SPTBN2: variants seen among roughly 807,000 people sequenced by gnomAD.
SPTBN2 encodes spectrin beta chain, non-erythrocytic 2.
SPTBN2 carries 107 observed loss-of-function variants against 284.2 expected under a neutral mutation model. The observed-to-expected ratio is 0.38, with a 90% CI of 0.32 to 0.44. The LOEUF is 0.44. SPTBN2 is among the 20% of genes least tolerant of loss of function. The probability of loss-of-function intolerance (pLI) is 1.00; values close to 1 mark genes in which losing one functional copy is unlikely to be tolerated. For synonymous variants in SPTBN2, 1,289 were observed against 1,354.8 expected (o/e 0.95, Z 1.07); for missense variants, 2,569 against 3,287.1 (o/e 0.78, Z 5.34).
rs1940525195 is a variant in SPTBN2, at chr11:66,691,270, T to C, written c.5565+14A>G. 1 of 1,516,550 alleles carries C rather than the reference T, an allele frequency of 6.6e-7. No homozygotes were observed. The highest frequency in any genetic ancestry group is 8.8e-7 in the Non-Finnish European group (1 of 1,131,094). 93.9% of individuals were successfully genotyped at this position (1,516,550 alleles called of 1,614,324 possible). On this transcript the variant is annotated intron_variant, in intron 27 of 37. Coordinates refer to ENST00000533211, the MANE Select transcript of SPTBN2 (RefSeq NM_006946.4). This position sits in a 1 kb window ranked among gnomAD's most constrained non-coding sequence, Gnocchi z 8.0. Reference sequence around the variant, plus strand: ...CCTCTAAGCCTCCCCCACCTCCTCATGCTTGGGTCAGACCTGGGGGCTGAG... The same window carrying C: ...CCTCTAAGCCTCCCCCACCTCCTCACGCTTGGGTCAGACCTGGGGGCTGAG...
At chr11:66,689,062 C>T in intron 30 of SPTBN2, 34 bp downstream of exon 30, 1 of 1,584,702 alleles carries the variant, frequency 6.3e-7, no homozygotes. Flanking sequence ...GCCCCCCACT[C>T]CCCACAGGGC....
At position 66,700,561 on chromosome 11, in the gene SPTBN2, C is replaced by T; in HGVS notation, c.3538G>A (p.Asp1180Asn). The change falls in exon 17 of 38, where the codon GAT becomes AAT. Residue 1180 changes from aspartate to asparagine, a missense_variant. Asp to Asn is a conservative substitution (Grantham distance 23). Around this residue, in one of 6 missense-constraint regions of SPTBN2, gnomAD observed 1,012 missense variants for 1,248.9 expected, o/e 0.81. Transcript: ENST00000533211. This position sits in a 1 kb window ranked among gnomAD's most constrained non-coding sequence, Gnocchi z 6.6. The part of the protein sequence containing the change: ...QAHGFQGFLR[D>N]ARQAEGVLSS... Reference sequence around the variant, plus strand: ...AGCACGCCCTCAGCCTGACGAGCATCCCGCAGGAATCCCTGGAAGCCGTGG... The same window carrying T: ...AGCACGCCCTCAGCCTGACGAGCATTCCGCAGGAATCCCTGGAAGCCGTGG... 1.2e-6 allele frequency: 2 copies of T among 1,606,786 alleles called. No individual in the cohort carries two copies. Among genetic ancestry groups the T allele is most frequent in the Non-Finnish European group, 1.7e-6 (2 of 1,180,006 alleles).
upstream of SPTBN2, among the ~76,000 whole-genome samples, chr11:66,732,692 G>A (rs568764447): frequency 3.3e-5 from 5 of 149,606 alleles, no homozygotes; most frequent in African/African-American, 7.4e-5. Context: ...GAGGCTGCGC[G>A]CGGTGGCTCA....
chr11:66,699,103 G>A lies in SPTBN2; in HGVS notation c.3777-21C>T, dbSNP rs375439672. 7 of 1,613,902 alleles carry A rather than the reference G, an allele frequency of 4.3e-6. No individual in the cohort carries two copies. In the African/African-American group the frequency reaches 9.3e-5, roughly 22 times the overall value. The stretch of plus-strand genomic sequence containing the variant: ...TGTGCCTGGAACGACACCCTCTTGT[G>A]AAACTCTGGAATTTGCTGTGAAAGG... On this transcript the variant is annotated intron_variant, in intron 18 of 37. Transcript: ENST00000533211.
Position 66,696,418 on chromosome 11 carries a change from G to A in SPTBN2, c.4137C>T (p.Leu1379=). The A allele has an allele frequency of 6.2e-7, 1 of 1,613,300 alleles. No homozygotes were observed. Among genetic ancestry groups the A allele is most frequent in the South Asian group, 1.1e-5 (1 of 91,088 alleles). Reference sequence around the variant, plus strand: ...ACAGCTCAGCTCGGTTGGCATCAAAGAGGCTGCGGGCCTTGGCTTGGGTGG... The same window carrying A: ...ACAGCTCAGCTCGGTTGGCATCAAAAAGGCTGCGGGCCTTGGCTTGGGTGG... ...ETTTQAKARS[L]FDANRAELFA... The change falls in exon 21 of 38, where the codon CTC becomes CTT. Residue 1379 remains leucine (L), a synonymous_variant. Coordinates refer to ENST00000533211, the MANE Select transcript of SPTBN2 (RefSeq NM_006946.4).
chr11:66,738,567 G>A (rs1942871677), intron 1 of SPTBN2, among the ~76,000 whole-genome samples: 2 of 152,182 alleles, frequency 1.3e-5, no homozygotes, highest in South Asian at 4.1e-4. Flanking sequence ...CCAGGCTGGA[G>A]TGCAGTGGTG....
intron 1 of SPTBN2, among the ~76,000 whole-genome samples, chr11:66,735,208 C>G (rs945557009): frequency 1.3e-5 from 2 of 152,030 alleles, no homozygotes; most frequent in Admixed American, 6.6e-5. Context: ...TGGCGCATGT[C>G]TGTAGTTCCA....
chr11:66,688,139 C>T (rs1940271110), intron 32 of SPTBN2, 30 bp downstream of exon 32: 1 of 1,613,530 alleles, frequency 6.2e-7, no homozygotes, highest in Non-Finnish European at 8.5e-7. Context: ...GCTCAGCCGC[C>T]TCCTCCTACC....
Position 66,693,900 on chromosome 11 carries a change from C to T in SPTBN2, c.4504-39G>A. ...AGGGGGTCAGTGGAGGCCCAGAGGG[C>T]AAGGCAAGCAGCAGGGACTGATTAG... On this transcript the variant is annotated intron_variant, in intron 22 of 37. Coordinates refer to ENST00000533211, the MANE Select transcript of SPTBN2 (RefSeq NM_006946.4). This position sits in a 1 kb window ranked among gnomAD's most constrained non-coding sequence, Gnocchi z 5.7. 1.3e-6 allele frequency: 2 copies of T among 1,591,844 alleles called. No individual in the cohort carries two copies. The highest frequency in any genetic ancestry group is 8.6e-7 in the Non-Finnish European group (1 of 1,163,126).
chr11:66,701,619 G>T lies in SPTBN2; in HGVS notation c.2781C>A (p.Asp927Glu). 1 of 1,614,064 alleles carries T rather than the reference G, an allele frequency of 6.2e-7. No homozygotes were observed. The highest frequency in any genetic ancestry group is 8.5e-7 in the Non-Finnish European group (1 of 1,180,024). ...GCTGCTCCTGGGTGTTGACAATGCG[G>T]TCTTTGCCTGGGGGGTTGGCCTTCA... ...QLLKANPPGK[D>E]RIVNTQEQLN... Residue 927 changes from aspartate (D) to glutamate (E), a missense_variant, in exon 16 of 38, where the codon GAC (aspartate) becomes GAA (glutamate). Physicochemically the swap from Asp to Glu is conservative, Grantham distance 45. Around this residue, in one of 6 missense-constraint regions of SPTBN2, gnomAD observed 1,012 missense variants for 1,248.9 expected, o/e 0.81. Coordinates refer to ENST00000533211, the MANE Select transcript of SPTBN2 (RefSeq NM_006946.4).
rs1290554729 is a variant in SPTBN2, at chr11:66,710,264, C to G, written c.1073+318G>C. Among the ~76,000 whole-genome samples the G allele has an allele frequency of 6.6e-6, 1 of 151,330 alleles. No individual in the cohort carries two copies. Among genetic ancestry groups the G allele is most frequent in the Admixed American group, 6.6e-5 (1 of 15,130 alleles). ...TTCACCATGTTGGCCAGGCTGGTCT[C>G]AAACTCCCGACCTCAGTAGAGATGG... On this transcript the variant is annotated intron_variant, in intron 10 of 37. Transcript: ENST00000533211. This position sits in a 1 kb window ranked among gnomAD's most constrained non-coding sequence, Gnocchi z 4.9.
chr11:66,708,381 G>T lies in SPTBN2; in HGVS notation c.1192-82C>A. On this transcript the variant is annotated intron_variant, in intron 11 of 37. Transcript: ENST00000533211. The surrounding 1 kb of genome is among the most constrained non-coding windows in gnomAD (Gnocchi z 4.4). ...CTGGAGGCACATGGTAAGTCCCATG[G>T]AAGCTCGGTCTGGTGGATCCGTGGA... 7.2e-7 allele frequency: 1 copy of T among 1,383,224 alleles called. No individual in the cohort carries two copies. The highest frequency in any genetic ancestry group is 9.7e-7 in the Non-Finnish European group (1 of 1,033,442). 85.7% of individuals were successfully genotyped at this position (1,383,224 alleles called of 1,614,324 possible).
chr11:66,694,013 G>A (rs1009390895), intron 22 of SPTBN2, 126 bp downstream of exon 22: 3 of 1,357,304 alleles, frequency 2.2e-6, no homozygotes, highest in East Asian at 4.7e-5. Context: ...CTCCCTATAG[G>A]GGAGATGGTC....
chr11:66,699,580 G>C lies in SPTBN2; in HGVS notation c.3602C>G (p.Pro1201Arg). The C allele has an allele frequency of 1.2e-6, 2 of 1,614,104 alleles. No individual in the cohort carries two copies. The highest frequency in any genetic ancestry group is 1.7e-6 in the Non-Finnish European group (2 of 1,180,014). ...QEYVLSHTEM[P>R]GTLQAADAAI... ...AGCATCAGCAGCCTGGAGTGTCCCT[G>C]GCATCTCCGTGTGAGACAGAACATA... The change falls in exon 18 of 38, where the codon CCA becomes CGA. Residue 1201 changes from proline to arginine, a missense_variant. This residue lies in a region of SPTBN2 where 1,012 missense variants were observed against 1,248.9 expected (regional missense o/e 0.81). Transcript: ENST00000533211.
Position 66,704,769 on chromosome 11 carries a change from T to G in SPTBN2, c.2507A>C (p.Glu836Ala), listed in dbSNP as rs1177251322. The part of the protein sequence containing the change: ...RVPTLERHYE[E>A]LQARAGERAR... ...TCGCTCGCCTGCCCGGGCCTGCAGC[T>G]CCTCGTAGTGCCGCTCCAGGGTGGG... Residue 836 changes from glutamate (E) to alanine (A), a missense_variant, in exon 15 of 38, where the codon GAG becomes GCG. Transcript: ENST00000533211. The G allele has an allele frequency of 6.2e-7, 1 of 1,603,770 alleles. No homozygotes were observed. Among genetic ancestry groups the G allele is most frequent in the Non-Finnish European group, 8.5e-7 (1 of 1,177,238 alleles).
chr11:66,713,948 C>A, intron 7 of SPTBN2, 143 bp downstream of exon 7: 1 of 947,902 alleles, frequency 1.1e-6, no homozygotes, highest in Non-Finnish European at 1.7e-6. Flanking sequence ...CAGCCCTGCA[C>A]CCCCATGTTC....
rs757403514 is a variant in SPTBN2 at position 66,686,951 on chromosome 11, C to G, written c.6896+43G>C. 3.7e-6 allele frequency: 6 copies of G among 1,611,956 alleles called. No individual in the cohort carries two copies. In the South Asian group the frequency reaches 5.5e-5, roughly 15 times the overall value. On this transcript the variant is annotated intron_variant, in intron 36 of 37. Coordinates refer to ENST00000533211, the MANE Select transcript of SPTBN2 (RefSeq NM_006946.4). Reference sequence around the variant, plus strand: ...GACTCATGGCTCACCTGTGTCACTCCCAACTCTCCTCCCATCCCGAGAGCA... The same window carrying G: ...GACTCATGGCTCACCTGTGTCACTCGCAACTCTCCTCCCATCCCGAGAGCA...
At position 66,685,893 on chromosome 11, in the gene SPTBN2, C is replaced by T. The variant is rs1404708285; in HGVS notation, c.7151G>A (p.Ser2384Asn). The T allele has an allele frequency of 6.2e-7, 1 of 1,613,928 alleles. No homozygotes were observed. Among genetic ancestry groups the T allele is most frequent in the South Asian group, 1.1e-5 (1 of 91,076 alleles). The change falls in exon 38 of 38, where the codon AGC becomes AAC. Residue 2384 changes from serine (S) to asparagine (N), a missense_variant. Around this residue, in one of 6 missense-constraint regions of SPTBN2, gnomAD observed 1,130 missense variants for 1,317.3 expected, o/e 0.86. Coordinates refer to ENST00000533211, the MANE Select transcript of SPTBN2 (RefSeq NM_006946.4). The surrounding 1 kb of genome is among the most constrained non-coding windows in gnomAD (Gnocchi z 4.4). The stretch of plus-strand genomic sequence containing the variant: ...CAACTACTTGTTCTTCTTAAAGAAG[C>T]TGAAGCGTTTTTCTCGCTCTCGTTC... ...GREREREKRF[S>N]FFKKNK is the part of the protein sequence containing the mutation.
At chr11:66,733,345 C>A (rs1483388189), upstream of SPTBN2, among the ~76,000 whole-genome samples, 1 of 152,162 alleles carries the variant, frequency 6.6e-6, no homozygotes, top group Non-Finnish European at 1.5e-5. Flanking sequence ...AGCTTGAACT[C>A]AGTTGCTGGC....
Sources: allele counts gnomAD v4.1 joint callset (sites outside exome capture counted in the v4.1 genomes callset), GRCh38; gene constraint gnomAD v4.1.1; regional missense constraint gnomAD v4.1.1; non-coding constraint Gnocchi (gnomAD v3.1); transcripts MANE v1.5; gene names NCBI Gene and HGNC (gene_info 2026-07-23, HGNC 2026-07-21).